Variants in KCND2 observed in about 807,000 individuals in gnomAD.
The protein encoded by KCND2 is A-type voltage-gated potassium channel KCND2.
In KCND2, 16 loss-of-function variants were observed where a neutral mutation model predicts 54.4. That is an observed-to-expected ratio of 0.29 (90% CI 0.20 to 0.45). The LOEUF (loss-of-function observed/expected upper bound fraction) is 0.45, where lower values mean the gene tolerates loss of function less well. KCND2 is among the 20% of genes least tolerant of loss of function. The probability of loss-of-function intolerance (pLI) is 1.00; values close to 1 mark genes in which losing one functional copy is unlikely to be tolerated. For missense variants in KCND2, 486 were observed against 824.2 expected (o/e 0.59, Z 5.02); for synonymous variants, 317 against 310.7 (o/e 1.02, Z -0.21).
intron 2 of KCND2, among the ~76,000 whole-genome samples, chr7:120,737,068 A>T (rs1792880752): frequency 6.9e-6 from 1 of 144,056 alleles, no homozygotes; most frequent in African/African-American, 2.6e-5. Flanking sequence ...ACACACACAC[A>T]CACACACAAA....
chr7:120,455,324 G>A (rs1427399560), intron 1 of KCND2, among the ~76,000 whole-genome samples: 1 of 152,022 alleles, frequency 6.6e-6, no homozygotes, highest in African/African-American at 2.4e-5. Context: ...GCATGACACT[G>A]GTACAAAAAC....
At chr7:120,296,809 T>G (rs537135001) in intron 1 of KCND2, among the ~76,000 whole-genome samples, 1 of 152,212 alleles carries the variant, frequency 6.6e-6, no homozygotes, top group South Asian at 2.1e-4. Flanking sequence ...AATTAAGATA[T>G]CAATTTAAAA....
intron 1 of KCND2, among the ~76,000 whole-genome samples, chr7:120,612,407 G>A (rs1279041111): frequency 2.0e-5 from 3 of 152,140 alleles, no homozygotes; most frequent in Non-Finnish European, 4.4e-5. Flanking sequence ...GAATCATTCA[G>A]CAGTGAAGGA....
intron 1 of KCND2, among the ~76,000 whole-genome samples, chr7:120,335,460 CTTACTTACTTATTTATTTAT>C (rs951012700): frequency 2.9e-5 from 4 of 136,728 alleles, no homozygotes; most frequent in Non-Finnish European, 4.6e-5. Context: ...TATTTATTTA[CTTACTTACTTATTTATTTAT>C]TTATTTATTT....
intron 1 of KCND2, among the ~76,000 whole-genome samples, chr7:120,640,449 T>C (rs930505691): frequency 1.3e-5 from 2 of 152,206 alleles, no homozygotes; most frequent in South Asian, 2.1e-4. Context: ...ATCAACATTA[T>C]GGAGTACCGT....
At chr7:120,481,847 C>T (rs1702464987) in intron 1 of KCND2, among the ~76,000 whole-genome samples, 1 of 152,208 alleles carries the variant, frequency 6.6e-6, no homozygotes. Flanking sequence ...AGCTACTTCA[C>T]CTAGATTTCA....
At chr7:120,393,023 A>G (rs1801100825) in intron 1 of KCND2, among the ~76,000 whole-genome samples, 1 of 152,048 alleles carries the variant, frequency 6.6e-6, no homozygotes, top group Non-Finnish European at 1.5e-5. Context: ...CATTGTAATA[A>G]GGATGTTTGA....
chr7:120,313,796 CA>C (rs146852039), intron 1 of KCND2, among the ~76,000 whole-genome samples: 3,151 of 138,606 alleles, frequency 0.023, 129 homozygotes, highest in African/African-American at 0.077. Flanking sequence ...TGGAAACATG[CA>C]ATATTTTTAG....
At chr7:120,336,376 G>A (rs1188722873) in intron 1 of KCND2, among the ~76,000 whole-genome samples, 3 of 152,030 alleles carry the variant, frequency 2.0e-5, no homozygotes, top group Non-Finnish European at 4.4e-5. Context: ...GGTCATATAT[G>A]TTTTAGAGTG....
At chr7:120,366,272 G>A in intron 1 of KCND2, among the ~76,000 whole-genome samples, 1 of 152,064 alleles carries the variant, frequency 6.6e-6, no homozygotes, top group Non-Finnish European at 1.5e-5. Context: ...ATCACTTGAG[G>A]TGAGGAGTTC....
At chr7:120,745,754 T>C in intron 4 of KCND2, 26 bp from the exon 5 acceptor site, 1 of 1,613,098 alleles carries the variant, frequency 6.2e-7, no homozygotes, top group South Asian at 1.1e-5. Context: ...TCTCTGTTTC[T>C]TCATTTACTT....
chr7:120,524,062 C>T (rs553395293), intron 1 of KCND2, among the ~76,000 whole-genome samples: 3 of 151,538 alleles, frequency 2.0e-5, no homozygotes, highest in Non-Finnish European at 4.4e-5. Context: ...ATGGTGAAAC[C>T]CCATCTCTCC....
intron 1 of KCND2, among the ~76,000 whole-genome samples, chr7:120,506,716 G>A (rs1052267886): frequency 6.6e-6 from 1 of 151,818 alleles, no homozygotes; most frequent in Non-Finnish European, 1.5e-5. Context: ...GGAAGCGAGT[G>A]ATAAATATAG....
At chr7:120,575,037 T>C (rs1388884523) in intron 1 of KCND2, among the ~76,000 whole-genome samples, 1 of 152,182 alleles carries the variant, frequency 6.6e-6, no homozygotes, top group Non-Finnish European at 1.5e-5. Flanking sequence ...ATAGTGTGTA[T>C]TAGAGTTCTC....
At chr7:120,612,728 GA>G (rs1792971897) in intron 1 of KCND2, among the ~76,000 whole-genome samples, 1 of 152,070 alleles carries the variant, frequency 6.6e-6, no homozygotes, top group African/African-American at 2.4e-5. Context: ...TTCTTATTGT[GA>G]ACTTAATGAA....
At chr7:120,372,555 G>A (rs1242350818) in intron 1 of KCND2, among the ~76,000 whole-genome samples, 1 of 151,796 alleles carries the variant, frequency 6.6e-6, no homozygotes, top group Non-Finnish European at 1.5e-5. Flanking sequence ...CATTCTCATA[G>A]TTTTCAGACC....
intron 1 of KCND2, among the ~76,000 whole-genome samples, chr7:120,380,112 C>G (rs1017532678): frequency 6.6e-6 from 1 of 151,930 alleles, no homozygotes; most frequent in Non-Finnish European, 1.5e-5. Context: ...TAGCAAGTAT[C>G]GTAAATCTAG....
At chr7:120,346,900 A>G (rs777099537) in intron 1 of KCND2, among the ~76,000 whole-genome samples, 3 of 152,188 alleles carry the variant, frequency 2.0e-5, no homozygotes, top group Non-Finnish European at 4.4e-5. Context: ...ACTAAGTGCT[A>G]TTTTGTTCTC....
At chr7:120,549,486 T>C (rs1247057933) in intron 1 of KCND2, among the ~76,000 whole-genome samples, 2 of 152,208 alleles carry the variant, frequency 1.3e-5, no homozygotes, top group African/African-American at 4.8e-5. Flanking sequence ...ACTCAGTGTT[T>C]GTGTGTTGAT....
Sources: allele counts gnomAD v4.1 joint callset (sites outside exome capture counted in the v4.1 genomes callset), GRCh38; gene constraint gnomAD v4.1.1; transcripts MANE v1.5; gene names NCBI Gene and HGNC (gene_info 2026-07-23, HGNC 2026-07-21).